Variants in NR3C2 observed in about 807,000 individuals in gnomAD.
NR3C2 encodes mineralocorticoid receptor.
In NR3C2, 15 loss-of-function variants were observed where a neutral mutation model predicts 86.4. The ratio of observed to expected loss-of-function variants is 0.17; its 90% CI spans 0.12 to 0.27. The LOEUF (loss-of-function observed/expected upper bound fraction) is 0.27. NR3C2 is among the 10% of genes least tolerant of loss of function. The pLI is 1.00. For synonymous variants in NR3C2, 458 were observed against 450.5 expected (o/e 1.02, Z -0.21); for missense variants, 960 against 1,195.6 (o/e 0.80, Z 2.91).
At position 148,150,555 on chromosome 4, in the gene NR3C2, CAT is replaced by C. The variant is rs899159811; in HGVS notation, c.2510+1912_2510+1913del. On this transcript the variant is annotated intron_variant, in intron 6 of 8. Transcript: ENST00000358102. ...CACCAAAAGGCATAAAAATGCAAAA[CAT>C]GTGGCAATAAATAGACTGTGAAAAG... is the stretch of plus-strand genomic sequence containing the variant. Among the ~76,000 whole-genome samples the C allele has an allele frequency of 3.9e-5, 6 of 152,270 alleles. 1 individual carries two copies. Among genetic ancestry groups the C allele is most frequent in the Admixed American group, 1.3e-4 (2 of 15,292 alleles).
intron 1 of NR3C2, among the ~76,000 whole-genome samples, chr4:148,438,118 C>T (rs1750165581): frequency 6.6e-6 from 1 of 152,162 alleles, no homozygotes; most frequent in African/African-American, 2.4e-5. Flanking sequence ...AATTTGATCG[C>T]AAGTCTCTCT....
chr4:148,162,831 T>C (rs538824126), intron 4 of NR3C2, among the ~76,000 whole-genome samples: 1 of 152,284 alleles, frequency 6.6e-6, no homozygotes, highest in African/African-American at 2.4e-5. Flanking sequence ...TTGGGCCCTG[T>C]CACTGTTGTG....
rs551266819 is a variant in NR3C2 at position 148,138,451 on chromosome 4, G to A, written c.2510+14018C>T. 4.7e-4 allele frequency among the ~76,000 whole-genome samples: 72 copies of A among 152,122 alleles called. 2 individuals are homozygous for A. In the East Asian group the frequency reaches 5.0e-3, roughly 11 times the overall value. ...CAGGCTGGAGTGCAGGTGCGATCTC[G>A]GCTCACTGTGGCCTCAACTTCCCTG... is the stretch of plus-strand genomic sequence containing the variant. On this transcript the variant is annotated intron_variant, in intron 6 of 8. Coordinates refer to ENST00000358102, the MANE Select transcript of NR3C2 (RefSeq NM_000901.5).
chr4:148,253,323 A>G (rs1171397187), intron 3 of NR3C2, among the ~76,000 whole-genome samples: 1 of 152,200 alleles, frequency 6.6e-6, no homozygotes. Flanking sequence ...ATGATAAAGA[A>G]CCAAACCTAG....
At chr4:148,190,471 A>G (rs1489157236) in intron 4 of NR3C2, among the ~76,000 whole-genome samples, 3 of 152,162 alleles carry the variant, frequency 2.0e-5, no homozygotes, top group African/African-American at 7.2e-5. Flanking sequence ...CATCTTGGAG[A>G]AAGTTCCATG....
chr4:148,403,424 T>C (rs1748263792), intron 2 of NR3C2, among the ~76,000 whole-genome samples: 1 of 152,030 alleles, frequency 6.6e-6, no homozygotes, highest in Admixed American at 6.5e-5. Context: ...AGTAGCCAAG[T>C]GTTGAAAGGA....
intron 2 of NR3C2, among the ~76,000 whole-genome samples, chr4:148,298,827 T>C (rs905680192): frequency 2.6e-5 from 4 of 152,250 alleles, no homozygotes; most frequent in African/African-American, 9.6e-5. Context: ...AAACATATAC[T>C]TGATGAATAA....
At chr4:148,347,275 C>T (rs1470696725) in intron 2 of NR3C2, among the ~76,000 whole-genome samples, 2 of 151,780 alleles carry the variant, frequency 1.3e-5, no homozygotes, top group Non-Finnish European at 2.9e-5. Flanking sequence ...TTTAAATCAG[C>T]GTTTTTCACC....
At chr4:148,314,464 A>C (rs1743066229) in intron 2 of NR3C2, among the ~76,000 whole-genome samples, 1 of 152,182 alleles carries the variant, frequency 6.6e-6, no homozygotes, top group Non-Finnish European at 1.5e-5. Flanking sequence ...TTTTACCATT[A>C]AATGGCCTAT....
chr4:148,219,222 A>C (rs112010947), intron 3 of NR3C2, among the ~76,000 whole-genome samples: 4 of 152,308 alleles, frequency 2.6e-5, no homozygotes, highest in African/African-American at 9.6e-5. Context: ...AAAGACATTG[A>C]ATATCTTTTC....
At chr4:148,374,342 G>A (rs1164886833) in intron 2 of NR3C2, among the ~76,000 whole-genome samples, 1 of 152,066 alleles carries the variant, frequency 6.6e-6, no homozygotes, top group East Asian at 1.9e-4. Context: ...ATAGAATTTT[G>A]TCTAGACTCT....
intron 3 of NR3C2, among the ~76,000 whole-genome samples, chr4:148,212,101 C>T (rs985445505): frequency 1.3e-5 from 2 of 152,182 alleles, no homozygotes; most frequent in African/African-American, 2.4e-5. Flanking sequence ...CCTCAAGGAG[C>T]CAGCTAACAC....
chr4:148,309,798 C>T (rs1742818794), intron 2 of NR3C2, among the ~76,000 whole-genome samples: 1 of 152,060 alleles, frequency 6.6e-6, no homozygotes, highest in Non-Finnish European at 1.5e-5. Flanking sequence ...TATAAGTAGC[C>T]ATGTAGTACG....
chr4:148,179,832 AAC>A (rs1202954629), intron 4 of NR3C2, among the ~76,000 whole-genome samples: 4 of 151,864 alleles, frequency 2.6e-5, no homozygotes, highest in African/African-American at 7.2e-5. Context: ...TGTTTAATTC[AAC>A]AGTTATATTA....
chr4:148,262,183 T>C (rs1740156896), intron 2 of NR3C2, among the ~76,000 whole-genome samples: 1 of 152,220 alleles, frequency 6.6e-6, no homozygotes, highest in East Asian at 1.9e-4. Flanking sequence ...AAAATGTAAT[T>C]GCTTTTTCAC....
At chr4:148,417,594 G>C (rs1749075280) in intron 2 of NR3C2, among the ~76,000 whole-genome samples, 1 of 152,188 alleles carries the variant, frequency 6.6e-6, no homozygotes, top group South Asian at 2.1e-4. Context: ...CTCAATCTGA[G>C]AGAAAGTTAT....
At chr4:148,125,816 A>G (rs1279756318) in intron 6 of NR3C2, among the ~76,000 whole-genome samples, 1 of 152,228 alleles carries the variant, frequency 6.6e-6, no homozygotes, top group Non-Finnish European at 1.5e-5. Flanking sequence ...AGAACAGTTA[A>G]AGGCTATGAA....
intron 2 of NR3C2, among the ~76,000 whole-genome samples, chr4:148,378,812 C>T (rs182099625): frequency 1.3e-3 from 203 of 152,112 alleles, no homozygotes; most frequent in Non-Finnish European, 1.7e-3. Flanking sequence ...TATAGCAGTG[C>T]GAGAACAGAC....
At chr4:148,178,648 G>C (rs1007256930) in intron 4 of NR3C2, among the ~76,000 whole-genome samples, 1 of 151,366 alleles carries the variant, frequency 6.6e-6, no homozygotes, top group Non-Finnish European at 1.5e-5. Context: ...AGGGCCCTGT[G>C]ATCTGACCAT....
Sources: allele counts gnomAD v4.1 joint callset (sites outside exome capture counted in the v4.1 genomes callset), GRCh38; gene constraint gnomAD v4.1.1; transcripts MANE v1.5; gene names NCBI Gene and HGNC (gene_info 2026-07-23, HGNC 2026-07-21).